The following ATP8A1 variants were observed in gnomAD, a reference collection of about 807,000 sequenced individuals.
ATP8A1 encodes ATPase phospholipid transporting 8A1.
Under a neutral mutation model 177.7 loss-of-function variants are expected in ATP8A1, and 90 were observed. The observed-to-expected ratio is 0.51, with a 90% CI of 0.43 to 0.60. ATP8A1 has a LOEUF of 0.60. Ranked by LOEUF, ATP8A1 falls within the 20% of genes least tolerant of loss-of-function variation. ATP8A1 has a pLI of 0.00. For missense variants in ATP8A1, 1,072 were observed against 1,392.8 expected, an observed-to-expected ratio of 0.77 and a Z score of 3.67; for synonymous variants, 493 against 485.9, an observed-to-expected ratio of 1.01 and a Z score of -0.19.
chr4:42,601,033 C>CTTTTTTTTTTTTTTTTTTT, intron 5 of ATP8A1, among the ~76,000 whole-genome samples: 1 of 102,430 alleles, frequency 9.8e-6, no homozygotes, highest in Non-Finnish European at 1.9e-5. Flanking sequence ...CCCAAATTTT[C>CTTTTTTTTTTTTTTTTTTT]TTTTTTTTTT....
chr4:42,480,235 T>C (rs115196415), intron 25 of ATP8A1, among the ~76,000 whole-genome samples: 3,029 of 152,252 alleles, frequency 0.02, 103 homozygotes, highest in African/African-American at 0.069. Context: ...GTTCCTTTAA[T>C]ACTACTCAGT....
intron 35 of ATP8A1, among the ~76,000 whole-genome samples, chr4:42,419,541 G>A (rs1577893503): frequency 6.6e-6 from 1 of 152,130 alleles, no homozygotes; most frequent in South Asian, 2.1e-4. Flanking sequence ...TGGAAAGCTG[G>A]GAATTGGAGT....
chr4:42,629,572 C>A (rs989432183), intron 1 of ATP8A1, among the ~76,000 whole-genome samples: 1 of 152,194 alleles, frequency 6.6e-6, no homozygotes, highest in African/African-American at 2.4e-5. Flanking sequence ...CCATCAGGCA[C>A]CTGAAGCCCA....
chr4:42,434,336 T>C (rs1396181605), intron 33 of ATP8A1, among the ~76,000 whole-genome samples: 2 of 152,354 alleles, frequency 1.3e-5, no homozygotes, highest in East Asian at 3.9e-4. Flanking sequence ...TTCTGCATTT[T>C]ACCTTTTTAA....
At chr4:42,512,836 G>C (rs1725149541) in intron 22 of ATP8A1, among the ~76,000 whole-genome samples, 1 of 152,142 alleles carries the variant, frequency 6.6e-6, no homozygotes. Flanking sequence ...CAAAGCTGCT[G>C]GTCTGAGAAC....
Position 42,444,640 on chromosome 4 carries a change from A to G in ATP8A1, c.2959-6T>C. On this transcript the variant is annotated splice_region_variant and splice_polypyrimidine_tract_variant and intron_variant, in intron 31 of 36. Coordinates refer to ENST00000381668, the MANE Select transcript of ATP8A1 (RefSeq NM_006095.2). ...CACACAGTTATCACCACAAACTAAA[A>G]CAGAAGGGGAAAATGTTATTTTACC... 1 of 1,613,528 alleles carries G rather than the reference A, an allele frequency of 6.2e-7. No homozygotes were observed. Among genetic ancestry groups the G allele is most frequent in the Non-Finnish European group, 8.5e-7 (1 of 1,179,600 alleles).
chr4:42,440,148 G>A (rs1577934965), intron 33 of ATP8A1, among the ~76,000 whole-genome samples: 1 of 152,028 alleles, frequency 6.6e-6, no homozygotes, highest in Admixed American at 6.5e-5. Flanking sequence ...CAATCCTATT[G>A]GCTCTGCCCT....
Position 42,446,635 on chromosome 4 carries a change from A to C in ATP8A1, c.2906T>G (p.Phe969Cys). Residue 969 changes from phenylalanine (F) to cysteine (C), a missense_variant, in exon 31 of 37, where the codon TTT becomes TGT. Physicochemically the swap from Phe to Cys is radical, Grantham distance 205. This residue lies in a region of ATP8A1 where 316 missense variants were observed against 459.1 expected (regional missense o/e 0.69). Transcript: ENST00000381668. ...ATAATCCGAGGTTTTCCCATTTCCA[A>C]ATGCAGTACCTGTACGAAAAGGAGA... ...PLKALQYGTA[F>C]GNGKTSDYLL... The C allele has an allele frequency of 6.2e-7, 1 of 1,613,830 alleles. No individual in the cohort carries two copies. The highest frequency in any genetic ancestry group is 8.5e-7 in the Non-Finnish European group (1 of 1,179,772).
chr4:42,650,478 G>A (rs1740979168), intron 1 of ATP8A1, among the ~76,000 whole-genome samples: 1 of 152,072 alleles, frequency 6.6e-6, no homozygotes, highest in South Asian at 2.1e-4. Flanking sequence ...GTTTTTAAAG[G>A]AACAAAAACC....
intron 33 of ATP8A1, among the ~76,000 whole-genome samples, chr4:42,442,479 C>T (rs1489672933): frequency 2.6e-5 from 4 of 152,168 alleles, no homozygotes; most frequent in Non-Finnish European, 4.4e-5. Flanking sequence ...GCTTAGAATA[C>T]ATGCTGTTAA....
At chr4:42,649,371 C>G (rs1278921190) in intron 1 of ATP8A1, among the ~76,000 whole-genome samples, 1 of 152,152 alleles carries the variant, frequency 6.6e-6, no homozygotes, top group African/African-American at 2.4e-5. Context: ...CAGATTACCT[C>G]ATTCTTCCTA....
chr4:42,581,175 C>T (rs992398941), intron 10 of ATP8A1, among the ~76,000 whole-genome samples: 8 of 152,140 alleles, frequency 5.3e-5, no homozygotes, highest in African/African-American at 1.4e-4. Context: ...GCTCTGTTGC[C>T]CAGGCTGGAG....
chr4:42,440,680 G>A (rs9999429), intron 33 of ATP8A1, among the ~76,000 whole-genome samples: 2,266 of 152,200 alleles, frequency 0.015, 63 homozygotes, highest in African/African-American at 0.052. Flanking sequence ...TAAAGTAAGC[G>A]TTCAATATTC....
intron 1 of ATP8A1, among the ~76,000 whole-genome samples, chr4:42,655,212 T>C (rs761417780): frequency 8.5e-5 from 13 of 152,238 alleles, no homozygotes; most frequent in Non-Finnish European, 1.8e-4. Context: ...CTAAACCATA[T>C]GGGCCACAGT....
At position 42,503,475 on chromosome 4, in the gene ATP8A1, A is replaced by G; in HGVS notation, c.2126T>C (p.Ile709Thr). 6.2e-7 allele frequency: 1 copy of G among 1,608,334 alleles called. No individual in the cohort carries two copies. The highest frequency in any genetic ancestry group is 1.1e-5 in the South Asian group (1 of 90,292). The part of the protein sequence containing the change: ...CKLLKKNMGM[I>T]VINEGSLDGT... ...ATCAAGAGAGCCTTCATTTATAACA[A>G]TCATTCCCATGTTCTTCTTCAACAG... Residue 709 changes from isoleucine (I) to threonine (T), a missense_variant, in exon 24 of 37, where the codon ATT (isoleucine) becomes ACT (threonine). Physicochemically the swap from Ile to Thr is moderately conservative, Grantham distance 89. This residue lies in a region of ATP8A1 where 388 missense variants were observed against 471.7 expected (regional missense o/e 0.82). Coordinates refer to ENST00000381668, the MANE Select transcript of ATP8A1 (RefSeq NM_006095.2).
chr4:42,457,479 A>G (rs1387086442), intron 27 of ATP8A1, among the ~76,000 whole-genome samples: 1 of 152,216 alleles, frequency 6.6e-6, no homozygotes, highest in Non-Finnish European at 1.5e-5. Context: ...CAAACTTCCA[A>G]TTATGGCCTC....
At chr4:42,631,243 C>T (rs1260038925) in intron 1 of ATP8A1, among the ~76,000 whole-genome samples, 3 of 152,098 alleles carry the variant, frequency 2.0e-5, no homozygotes, top group Non-Finnish European at 4.4e-5. Context: ...CCCTCAAAGC[C>T]TGATGAATTA....
intron 25 of ATP8A1, among the ~76,000 whole-genome samples, chr4:42,475,677 C>CCA (rs1720985816): frequency 6.6e-6 from 1 of 151,916 alleles, no homozygotes; most frequent in Non-Finnish European, 1.5e-5. Flanking sequence ...ATAATAGGTG[C>CCA]CACGTATTAG....
chr4:42,620,179 C>T (rs1023229109), intron 4 of ATP8A1, among the ~76,000 whole-genome samples: 1 of 152,186 alleles, frequency 6.6e-6, no homozygotes, highest in African/African-American at 2.4e-5. Context: ...AAAGACAGCT[C>T]TTTGTCCAAC....
Sources: gnomAD v4.1 joint callset for allele counts (sites outside exome capture counted in the v4.1 genomes callset) on GRCh38, gnomAD v4.1.1 for gene constraint, gnomAD v4.1.1 regional missense constraint, MANE v1.5 for transcripts, NCBI Gene and HGNC (gene_info 2026-07-23, HGNC 2026-07-21) for gene names.